Variants in PCDHA3 observed in about 807,000 individuals in gnomAD.
The protein encoded by PCDHA3 is protocadherin alpha-3.
In PCDHA3, 41 loss-of-function variants were observed where a neutral mutation model predicts 62.2. The observed-to-expected ratio is 0.66, with a 90% confidence interval of 0.51 to 0.86. The LOEUF is 0.86. Among genes scored for constraint, PCDHA3 ranks in the 40% least tolerant of loss-of-function variants. The pLI, the probability that PCDHA3 is intolerant of heterozygous loss-of-function variation, is 0.00. For synonymous variants in PCDHA3, 640 were observed against 555.4 expected, an observed-to-expected ratio of 1.15 and a Z score of -2.14; for missense variants, 1,304 against 1,241.2, an observed-to-expected ratio of 1.05 and a Z score of -0.76.
intron 1 of PCDHA3, chr5:140,823,532 C>A (rs138704270): frequency 3.1e-6 from 5 of 1,613,746 alleles, no homozygotes; most frequent in Admixed American, 1.7e-5. Flanking sequence ...TCAGTGGGTG[C>A]GGGCCACGTG....
chr5:140,838,334 G>A lies in PCDHA3; in HGVS notation c.2394+34743G>A, dbSNP rs2150288149. Among the ~76,000 whole-genome samples the A allele has an allele frequency of 6.8e-5, 10 of 146,222 alleles. 1 individual carries two copies. The South Asian group carries it at 1.1e-3, about 16-fold the overall frequency. On this transcript the variant is annotated intron_variant, in intron 1 of 3. Coordinates refer to ENST00000522353, the MANE Select transcript of PCDHA3 (RefSeq NM_018906.3). ...AAACAGAGTTTCACCATGTTGCCCCGGCTGGTCTCGAAATCTGGGACTCAA... is the reference window on the plus strand; with the variant it reads ...AAACAGAGTTTCACCATGTTGCCCCAGCTGGTCTCGAAATCTGGGACTCAA...
intron 1 of PCDHA3, chr5:140,877,193 G>C: frequency 6.2e-7 from 1 of 1,613,832 alleles, no homozygotes; most frequent in Non-Finnish European, 8.5e-7. Flanking sequence ...GGCAGCGCAG[G>C]AGGCGCAGTT....
chr5:141,001,488 ATGCTAGCCCAGGT>A (rs1261759985), intron 3 of PCDHA3, among the ~76,000 whole-genome samples: 3 of 152,210 alleles, frequency 2.0e-5, no homozygotes, highest in Non-Finnish European at 4.4e-5. Flanking sequence ...AGTGCTGGAA[ATGCTAGCCCAGGT>A]GGGCTTAGCT....
chr5:140,842,208 A>C, intron 1 of PCDHA3: 1 of 1,613,638 alleles, frequency 6.2e-7, no homozygotes, highest in Non-Finnish European at 8.5e-7. Flanking sequence ...TTTAGCATAG[A>C]TCGAAATACG....
chr5:140,838,089 T>TA (rs1775524644), intron 1 of PCDHA3, among the ~76,000 whole-genome samples: 1 of 121,926 alleles, frequency 8.2e-6, no homozygotes, highest in East Asian at 2.1e-4. Context: ...TGTGTGTGTG[T>TA]GTGTGTGTGT....
chr5:141,005,256 A>C (rs1307850409), intron 3 of PCDHA3, among the ~76,000 whole-genome samples: 1 of 152,212 alleles, frequency 6.6e-6, no homozygotes, highest in East Asian at 1.9e-4. Flanking sequence ...TGTGCTAGGC[A>C]CTGGTGATAC....
At chr5:140,859,835 A>G (rs2046039280) in intron 1 of PCDHA3, 1 of 152,134 alleles carries the variant, frequency 6.6e-6, no homozygotes, top group South Asian at 2.1e-4. Context: ...TGTATTTGTT[A>G]TTTTATCAAA....
intron 1 of PCDHA3, among the ~76,000 whole-genome samples, chr5:140,920,841 T>TAAAA (rs781921146): frequency 7.3e-5 from 8 of 109,222 alleles, no homozygotes; most frequent in African/African-American, 1.0e-4. Flanking sequence ...AGACCAAATC[T>TAAAA]AAAAAAAAAA....
At chr5:140,915,445 G>C (rs2077121673) in intron 1 of PCDHA3, among the ~76,000 whole-genome samples, 1 of 152,024 alleles carries the variant, frequency 6.6e-6, no homozygotes, top group Non-Finnish European at 1.5e-5. Context: ...TTCTTGAGAA[G>C]GTTTTCCAGA....
At chr5:140,845,107 C>T (rs1420580197) in intron 1 of PCDHA3, among the ~76,000 whole-genome samples, 2 of 149,448 alleles carry the variant, frequency 1.3e-5, no homozygotes, top group East Asian at 1.9e-4. Flanking sequence ...CTCTTAATGC[C>T]TGTCCATGTT....
At chr5:140,960,265 T>A (rs1380537220) in intron 1 of PCDHA3, among the ~76,000 whole-genome samples, 2 of 152,174 alleles carry the variant, frequency 1.3e-5, no homozygotes, top group African/African-American at 4.8e-5. Context: ...TTCTGATAAA[T>A]TCCGTCACCT....
intron 1 of PCDHA3, chr5:140,968,442 T>G (rs1245424149): frequency 3.1e-6 from 5 of 1,613,950 alleles, no homozygotes; most frequent in Non-Finnish European, 4.2e-6. Context: ...AGCCCACCAC[T>G]GAGCAGCACT....
At position 140,951,558 on chromosome 5, in the gene PCDHA3, C is replaced by T. The variant is rs79908970; in HGVS notation, c.2395-27391C>T. On this transcript the variant is annotated intron_variant, in intron 1 of 3. Coordinates refer to ENST00000522353, the MANE Select transcript of PCDHA3 (RefSeq NM_018906.3). The stretch of plus-strand genomic sequence containing the variant: ...GAGCAAGGGACGGGGGGAAGTGCTA[C>T]GCACTTTTAAACAACCAGATTTCAC... Among the ~76,000 whole-genome samples the T allele has an allele frequency of 3.7e-4, 56 of 152,112 alleles. No individual in the cohort carries two copies. In the East Asian group the frequency reaches 9.5e-3, roughly 26 times the overall value.
intron 1 of PCDHA3, among the ~76,000 whole-genome samples, chr5:140,947,554 G>T (rs977454594): frequency 1.3e-5 from 2 of 151,358 alleles, no homozygotes; most frequent in Non-Finnish European, 3.0e-5. Flanking sequence ...AATTCCGCTG[G>T]GATTTATATT....
chr5:140,928,659 C>T (rs782522131), intron 1 of PCDHA3: 2 of 1,614,080 alleles, frequency 1.2e-6, no homozygotes, highest in African/African-American at 2.7e-5. Context: ...AGGATGCTGA[C>T]AGTGGTTCTA....
In PCDHA3 at chr5:140,870,537, G is replaced by A. The variant is rs575452776; in HGVS notation, c.2394+66946G>A. On this transcript the variant is annotated intron_variant, in intron 1 of 3. Transcript: ENST00000522353. ...GCTGCCACATCTTCACAGTGTCGGC[G>A]CGGGACGCGGACGCGCAGGAGAACG... 9.3e-6 allele frequency: 15 copies of A among 1,614,172 alleles called. No homozygotes were observed. In the African/African-American group the frequency reaches 1.7e-4, roughly 19 times the overall value.
intron 1 of PCDHA3, chr5:140,828,237 C>T (rs2150152822): frequency 1.8e-5 from 29 of 1,613,956 alleles, no homozygotes; most frequent in South Asian, 4.4e-5. Flanking sequence ...GGCCGGATCG[C>T]GCAGGACCTG....
In PCDHA3 at chr5:140,967,905, C is replaced by G. The variant is rs782291807; in HGVS notation, c.2395-11044C>G. ...AGCCCAGTGCCTGAGAATGCTACAC[C>G]CAACACCATTGTGGCCGTTCTCAGT... is the stretch of plus-strand genomic sequence containing the variant. On this transcript the variant is annotated intron_variant, in intron 1 of 3. Transcript: ENST00000522353. 36 of 1,614,168 alleles carry G rather than the reference C, an allele frequency of 2.2e-5. No homozygotes were observed. Among genetic ancestry groups the G allele is most frequent in the Non-Finnish European group, 2.8e-5 (33 of 1,180,028 alleles).
At chr5:140,884,173 C>T in intron 1 of PCDHA3, 1 of 1,613,432 alleles carries the variant, frequency 6.2e-7, no homozygotes, top group Non-Finnish European at 8.5e-7. Context: ...GCACGACGCG[C>T]CCTCTGGACG....
Sources: allele counts gnomAD v4.1 joint callset (sites outside exome capture counted in the v4.1 genomes callset), GRCh38; gene constraint gnomAD v4.1.1; transcripts MANE v1.5; gene names NCBI Gene and HGNC (gene_info 2026-07-23, HGNC 2026-07-21).